Variants in SMARCA4 observed in about 807,000 individuals in gnomAD.
SMARCA4 encodes SWI/SNF related BAF chromatin remodeling complex subunit ATPase 4.
SMARCA4 carries 31 observed loss-of-function variants against 193.9 expected under a neutral mutation model. The observed-to-expected ratio is 0.16, with a 90% CI of 0.12 to 0.22. The LOEUF (loss-of-function observed/expected upper bound fraction) is 0.22. Ranked by LOEUF, SMARCA4 falls within the 10% of genes least tolerant of loss-of-function variation. The probability of loss-of-function intolerance (pLI) is 1.00; values close to 1 mark genes in which losing one functional copy is unlikely to be tolerated. For synonymous variants in SMARCA4, 942 were observed against 933.1 expected (o/e 1.01, Z -0.17); for missense variants, 1,148 against 2,296.0 (o/e 0.50, Z 10.22).
chr19:10,984,799 C>T lies in SMARCA4; in HGVS notation c.222+426C>T, dbSNP rs1240593631. On this transcript the variant is annotated intron_variant, in intron 2 of 34. Coordinates refer to ENST00000344626, the MANE Select transcript of SMARCA4 (RefSeq NM_003072.5). This position sits in a 1 kb window ranked among gnomAD's most constrained non-coding sequence, Gnocchi z 4.3. ...GTTCCCTTTCCTCCAAGGCGTGCCC[C>T]TCAGCCACTGTCTTTACCTCACCTG... Among the ~76,000 whole-genome samples the T allele has an allele frequency of 1.3e-5, 2 of 152,362 alleles. No homozygotes were observed. The highest frequency in any genetic ancestry group is 2.4e-5 in the African/African-American group (1 of 41,594).
intron 12 of SMARCA4, 86 bp from the exon 13 acceptor site, chr19:11,003,254 G>T: frequency 6.2e-7 from 1 of 1,605,844 alleles, no homozygotes; most frequent in Non-Finnish European, 8.5e-7. Flanking sequence ...TTTTACTTCT[G>T]TTTGAATTCC....
chr19:10,999,222 C>T (rs1312651895), intron 11 of SMARCA4, among the ~76,000 whole-genome samples: 1 of 151,494 alleles, frequency 6.6e-6, no homozygotes, highest in Non-Finnish European at 1.5e-5. Context: ...CGTATTATTA[C>T]AGAAGAATAT....
intron 11 of SMARCA4, among the ~76,000 whole-genome samples, chr19:11,002,249 G>T (rs1312579193): frequency 6.6e-6 from 1 of 152,166 alleles, no homozygotes; most frequent in African/African-American, 2.4e-5. Flanking sequence ...GGAGGCCGAG[G>T]CGGGCAGATC....
intron 11 of SMARCA4, among the ~76,000 whole-genome samples, chr19:11,002,731 TGTA>T (rs1396124052): frequency 4.8e-5 from 7 of 146,032 alleles, no homozygotes; most frequent in African/African-American, 1.8e-4. Context: ...AGGCAGAGGT[TGTA>T]GTGAGCCGAG....
rs182585301 is a variant in SMARCA4 at position 10,969,558 on chromosome 19, G to T, written c.-32+8384G>T. Among the ~76,000 whole-genome samples, 51 of 151,718 alleles carry T rather than the reference G, an allele frequency of 3.4e-4. No homozygotes were observed. In the East Asian group the frequency reaches 9.7e-3, roughly 29 times the overall value. On this transcript the variant is annotated intron_variant, in intron 1 of 34. Coordinates refer to ENST00000344626, the MANE Select transcript of SMARCA4 (RefSeq NM_003072.5). Reference sequence around the variant, plus strand: ...CGATTCTCCTGCCTCAGCCTCCCGAGTAGCTGGGATTACAGGCATGCACCA... The same window carrying T: ...CGATTCTCCTGCCTCAGCCTCCCGATTAGCTGGGATTACAGGCATGCACCA...
In SMARCA4 at chr19:10,996,474, G is replaced by A. The variant is rs199878282; in HGVS notation, c.1762-20G>A. The A allele has an allele frequency of 2.5e-5, 41 of 1,614,078 alleles. 1 individual carries two copies. The Middle Eastern group carries it at 9.9e-4, about 39-fold the overall frequency. On this transcript the variant is annotated intron_variant, in intron 10 of 34. Coordinates refer to ENST00000344626, the MANE Select transcript of SMARCA4 (RefSeq NM_003072.5). ...CAGCCTTGTGGGTCAGGGCCTGACC[G>A]TGTCTCTCTCTATTTCCAGAAGGCA...
At chr19:11,055,970 C>T (rs1705877355) in intron 30 of SMARCA4, among the ~76,000 whole-genome samples, 1 of 152,212 alleles carries the variant, frequency 6.6e-6, no homozygotes, top group African/African-American at 2.4e-5. Context: ...TCTTCTGTTG[C>T]CCCTGCCTGT....
chr19:11,031,215 G>A lies in SMARCA4; in HGVS notation c.3546+322G>A. 2.5e-6 allele frequency: 1 copy of A among 395,060 alleles called. No individual in the cohort carries two copies. Among genetic ancestry groups the A allele is most frequent in the Non-Finnish European group, 4.9e-6 (1 of 206,114 alleles). 24.5% of individuals were successfully genotyped at this position (395,060 alleles called of 1,614,324 possible). On this transcript the variant is annotated intron_variant, in intron 25 of 34. Transcript: ENST00000344626. The surrounding 1 kb of genome is among the most constrained non-coding windows in gnomAD (Gnocchi z 4.3). ...CCTGATCAATCTGCGCCGTCACTGTGGGGCGGCCCCTGCAGTGTGCCCTGT... is the reference window on the plus strand; with the variant it reads ...CCTGATCAATCTGCGCCGTCACTGTAGGGCGGCCCCTGCAGTGTGCCCTGT...
At position 11,019,209 on chromosome 19, in the gene SMARCA4, C is replaced by A; in HGVS notation, c.2505+186C>A. 1.5e-6 allele frequency: 1 copy of A among 677,434 alleles called. No homozygotes were observed. Among genetic ancestry groups the A allele is most frequent in the Non-Finnish European group, 2.7e-6 (1 of 370,696 alleles). 42.0% of individuals were successfully genotyped at this position (677,434 alleles called of 1,614,324 possible). ...GAGTTTGGACTGGGCAGGGACAGGGCAGATTAGCTCACTGGGGAGGAGACA... is the reference window on the plus strand; with the variant it reads ...GAGTTTGGACTGGGCAGGGACAGGGAAGATTAGCTCACTGGGGAGGAGACA... On this transcript the variant is annotated intron_variant, in intron 17 of 34. Transcript: ENST00000344626. The surrounding 1 kb of genome is among the most constrained non-coding windows in gnomAD (Gnocchi z 6.1).
intron 19 of SMARCA4, among the ~76,000 whole-genome samples, chr19:11,022,556 C>G (rs2089954100): frequency 6.6e-6 from 1 of 152,240 alleles, no homozygotes. Context: ...GAGGTTGAAA[C>G]TGTGGGACAG....
At chr19:11,060,558 A>C in intron 34 of SMARCA4, 2 of 391,756 alleles carry the variant, frequency 5.1e-6, no homozygotes, top group Non-Finnish European at 9.7e-6. Context: ...CCCACCAGAC[A>C]GTGCCCCGTC....
chr19:10,962,458 A>G (rs1463508209), intron 1 of SMARCA4, among the ~76,000 whole-genome samples: 2 of 152,106 alleles, frequency 1.3e-5, no homozygotes, highest in Non-Finnish European at 2.9e-5. Flanking sequence ...TGAGAGGGAC[A>G]CAGCGGACAG....
At chr19:11,002,009 A>G (rs1328594145) in intron 11 of SMARCA4, among the ~76,000 whole-genome samples, 1 of 152,212 alleles carries the variant, frequency 6.6e-6, no homozygotes, top group Non-Finnish European at 1.5e-5. Flanking sequence ...GGGGGAAAAA[A>G]TCAAGGTCCA....
intron 1 of SMARCA4, among the ~76,000 whole-genome samples, chr19:10,979,870 G>C (rs751502305): frequency 6.6e-6 from 1 of 152,120 alleles, no homozygotes; most frequent in Non-Finnish European, 1.5e-5. Context: ...ATGCCTTCTG[G>C]AACGTCAGGA....
At chr19:10,972,707 G>A (rs546147090) in intron 1 of SMARCA4, among the ~76,000 whole-genome samples, 2 of 152,256 alleles carry the variant, frequency 1.3e-5, no homozygotes, top group South Asian at 2.1e-4. Flanking sequence ...TCCTCTTGCC[G>A]TCTCCACACA....
At chr19:11,000,739 C>T (rs11671839) in intron 11 of SMARCA4, among the ~76,000 whole-genome samples, 5,001 of 151,402 alleles carry the variant, frequency 0.033, 126 homozygotes, top group Non-Finnish European at 0.041. Context: ...ATTAGCCAGG[C>T]GTGGTGGCAG....
intron 1 of SMARCA4, among the ~76,000 whole-genome samples, chr19:10,961,974 T>A (rs1048102203): frequency 1.4e-3 from 204 of 148,256 alleles, no homozygotes; most frequent in African/African-American, 4.6e-3. Flanking sequence ...CAGTCTTGAT[T>A]TTTTTTTTTT....
chr19:11,055,724 A>T (rs1344534354), intron 30 of SMARCA4, among the ~76,000 whole-genome samples: 1 of 151,976 alleles, frequency 6.6e-6, no homozygotes, highest in African/African-American at 2.4e-5. Context: ...TTTGCTGGCC[A>T]CTAAGGGCAT....
chr19:10,998,177 C>T (rs554140308), intron 11 of SMARCA4, among the ~76,000 whole-genome samples: 4 of 152,328 alleles, frequency 2.6e-5, no homozygotes, highest in Non-Finnish European at 4.4e-5. Flanking sequence ...TGAGCCACCA[C>T]GCTTGGCTTC....
Sources: gnomAD v4.1 joint callset for allele counts (sites outside exome capture counted in the v4.1 genomes callset) on GRCh38, gnomAD v4.1.1 for gene constraint, Gnocchi (gnomAD v3.1) non-coding constraint, MANE v1.5 for transcripts, NCBI Gene and HGNC (gene_info 2026-07-23, HGNC 2026-07-21) for gene names.